The following OCA2 variants were observed in gnomAD, a reference collection of about 807,000 sequenced individuals.
OCA2 encodes OCA2 melanosomal transmembrane protein.
In OCA2, 77 loss-of-function variants were observed where a neutral mutation model predicts 100.2. The ratio of observed to expected loss-of-function variants is 0.77; its 90% CI spans 0.64 to 0.93. The LOEUF is 0.93. OCA2 is among the 40% of genes least tolerant of loss of function. OCA2 has a pLI of 0.00. For synonymous variants in OCA2, 432 were observed against 439.2 expected, an observed-to-expected ratio of 0.98 and a Z score of 0.21; for missense variants, 1,062 against 1,089.1, an observed-to-expected ratio of 0.98 and a Z score of 0.35.
At chr15:27,917,521 C>T (rs1234862802) in intron 19 of OCA2, among the ~76,000 whole-genome samples, 1 of 152,114 alleles carries the variant, frequency 6.6e-6, no homozygotes, top group African/African-American at 2.4e-5. Flanking sequence ...TCTGAGCATC[C>T]CCACTGGAGT....
intron 23 of OCA2, among the ~76,000 whole-genome samples, chr15:27,792,818 G>A (rs180989961): frequency 2.0e-5 from 3 of 152,270 alleles, no homozygotes; most frequent in Non-Finnish European, 4.4e-5. Context: ...GAGTTCCGTC[G>A]ACTTGAGACA....
intron 23 of OCA2, among the ~76,000 whole-genome samples, chr15:27,809,577 C>T (rs1190443808): frequency 6.6e-6 from 1 of 152,178 alleles, no homozygotes; most frequent in African/African-American, 2.4e-5. Flanking sequence ...GAAAGTCAAA[C>T]TATCACTGTT....
intron 23 of OCA2, among the ~76,000 whole-genome samples, chr15:27,770,780 TCC>T (rs1165027239): frequency 2.9e-4 from 12 of 40,800 alleles, no homozygotes; most frequent in Non-Finnish European, 4.2e-4. Context: ...CTCCCTTCCA[TCC>T]TTCCTTCCTC....
intron 9 of OCA2, among the ~76,000 whole-genome samples, chr15:27,996,358 T>C (rs1329825699): frequency 6.6e-6 from 1 of 152,158 alleles, no homozygotes; most frequent in Non-Finnish European, 1.5e-5. Flanking sequence ...AATTTTTATT[T>C]GTTAATTAAA....
At chr15:27,729,095 GC>G in the OCA2 span, among the ~76,000 whole-genome samples, 7 of 151,944 alleles carry the variant, frequency 4.6e-5, no homozygotes, top group Non-Finnish European at 8.8e-5. Context: ...TCTGCTATTG[GC>G]CCCCTTTTCC....
the OCA2 span, among the ~76,000 whole-genome samples, chr15:27,723,818 T>G: frequency 3.9e-5 from 6 of 152,296 alleles, no homozygotes; most frequent in African/African-American, 7.2e-5. Context: ...CTGAAAGCCT[T>G]GGTCTAGAAG....
intron 23 of OCA2, among the ~76,000 whole-genome samples, chr15:27,756,457 T>G (rs1262316304): frequency 6.6e-6 from 1 of 152,258 alleles, no homozygotes; most frequent in Admixed American, 6.5e-5. Context: ...TTCTCTTGGC[T>G]TCTCTTCTGA....
intron 7 of OCA2, among the ~76,000 whole-genome samples, chr15:28,017,054 C>T (rs2042417700): frequency 7.1e-6 from 1 of 141,492 alleles, no homozygotes; most frequent in Non-Finnish European, 1.5e-5. Context: ...GGGGAGGCAG[C>T]CTGGGGAGCG....
intron 2 of OCA2, among the ~76,000 whole-genome samples, chr15:28,055,599 T>C (rs1232342265): frequency 1.3e-5 from 2 of 152,218 alleles, no homozygotes; most frequent in South Asian, 2.1e-4. Context: ...AGGAAAGCTA[T>C]GTGTGGAATG....
At chr15:27,902,213 GTT>G (rs2037971418) in intron 19 of OCA2, among the ~76,000 whole-genome samples, 11 of 57,980 alleles carry the variant, frequency 1.9e-4, no homozygotes, top group African/African-American at 1.7e-3. Context: ...AGTTGTTGTT[GTT>G]GTTGTTTTTT....
Position 28,018,533 on chromosome 15 carries a change from T to C in OCA2, c.671A>G (p.Asp224Gly), listed in dbSNP as rs1339041321. ...NYSVNLSSHV[D>G]STLLQVDLAG... Reference sequence around the variant, plus strand: ...CAGGTCCACCTGCAGCAGCGTGGAGTCCACGTGGCTGCTAAGGTTCACGGC... The same window carrying C: ...CAGGTCCACCTGCAGCAGCGTGGAGCCCACGTGGCTGCTAAGGTTCACGGC... The change falls in exon 7 of 24, where the codon GAC becomes GGC. Residue 224 changes from aspartate to glycine, a missense_variant. By Grantham distance (94) the Asp-to-Gly change is moderately conservative (BLOSUM62 -1). Transcript: ENST00000354638. 6.2e-7 allele frequency: 1 copy of C among 1,613,208 alleles called. No homozygotes were observed. Among genetic ancestry groups the C allele is most frequent in the East Asian group, 2.2e-5 (1 of 44,832 alleles).
At position 27,890,632 on chromosome 15, in the gene OCA2, G is replaced by A. The variant is rs563062600; in HGVS notation, c.2080-18710C>T. 2.0e-5 allele frequency among the ~76,000 whole-genome samples: 3 copies of A among 152,144 alleles called. No homozygotes were observed. The East Asian group carries it at 5.8e-4, about 29-fold the overall frequency. ...TGAAACTATCCTTGAGGAATAAAGA[G>A]GAAATAAATACACTCTCAGATAAAG... On this transcript the variant is annotated intron_variant, in intron 19 of 23. Coordinates refer to ENST00000354638, the MANE Select transcript of OCA2 (RefSeq NM_000275.3).
At chr15:27,854,943 T>C (rs932128653) in intron 21 of OCA2, among the ~76,000 whole-genome samples, 7 of 152,182 alleles carry the variant, frequency 4.6e-5, no homozygotes, top group African/African-American at 1.7e-4. Flanking sequence ...AGCTTAGTGA[T>C]GTGGAAATTC....
chr15:28,067,638 G>T (rs968989227), intron 2 of OCA2, among the ~76,000 whole-genome samples: 1 of 151,938 alleles, frequency 6.6e-6, no homozygotes, highest in Non-Finnish European at 1.5e-5. Flanking sequence ...ATGTATTTTT[G>T]TAGTTTTCCA....
At chr15:27,911,240 C>A (rs1463809626) in intron 19 of OCA2, among the ~76,000 whole-genome samples, 3 of 151,864 alleles carry the variant, frequency 2.0e-5, no homozygotes, top group African/African-American at 7.3e-5. Context: ...GGCAACATGG[C>A]AAAATCCTGT....
chr15:27,829,421 T>A (rs2034867198), intron 23 of OCA2, among the ~76,000 whole-genome samples: 1 of 152,178 alleles, frequency 6.6e-6, no homozygotes, highest in Non-Finnish European at 1.5e-5. Context: ...ATTTGAAGCA[T>A]AAGACACTTA....
chr15:27,983,279 G>C, intron 14 of OCA2, 66 bp downstream of exon 14: 3 of 1,594,190 alleles, frequency 1.9e-6, no homozygotes, highest in South Asian at 2.2e-5. Context: ...CGTCCATGTG[G>C]GGTAGAGCTC....
chr15:28,047,268 C>T (rs1460537511), intron 2 of OCA2, among the ~76,000 whole-genome samples: 1 of 152,176 alleles, frequency 6.6e-6, no homozygotes, highest in Admixed American at 6.5e-5. Context: ...TCCAGAGACT[C>T]TGATTCAGAA....
intron 2 of OCA2, among the ~76,000 whole-genome samples, chr15:28,068,935 T>G (rs998984500): frequency 6.6e-6 from 1 of 152,236 alleles, no homozygotes; most frequent in African/African-American, 2.4e-5. Context: ...ACTGAAGGAA[T>G]GTACCTCATA....
Sources: gnomAD v4.1 joint callset for allele counts (sites outside exome capture counted in the v4.1 genomes callset) on GRCh38, gnomAD v4.1.1 for gene constraint, MANE v1.5 for transcripts, NCBI Gene and HGNC (gene_info 2026-07-23, HGNC 2026-07-21) for gene names.